Variants in IRX3 observed in about 807,000 individuals in gnomAD.
IRX3 encodes the protein iroquois-class homeodomain protein IRX-3.
A neutral mutation model predicts 36.4 loss-of-function variants in IRX3; 20 were observed. The ratio of observed to expected loss-of-function variants is 0.55; its 90% CI spans 0.39 to 0.80. IRX3 has a LOEUF of 0.80. Ranked by LOEUF, IRX3 falls within the 30% of genes least tolerant of loss-of-function variation. IRX3 has a pLI of 0.00. For missense variants in IRX3, 718 were observed against 733.2 expected, an observed-to-expected ratio of 0.98 and a Z score of 0.24; for synonymous variants, 404 against 351.6, an observed-to-expected ratio of 1.15 and a Z score of -1.67.
chr16:54,284,547 G>C lies in IRX3; in HGVS notation c.1334C>G (p.Pro445Arg). The C allele has an allele frequency of 2.1e-6, 3 of 1,419,954 alleles. No individual in the cohort carries two copies. Among genetic ancestry groups the C allele is most frequent in the Non-Finnish European group, 2.7e-6 (3 of 1,097,180 alleles). 88.0% of individuals were successfully genotyped at this position (1,419,954 alleles called of 1,614,324 possible). A position where few individuals can be genotyped will look rare whatever the true frequency, so the allele number is the denominator to read the frequency against. Residue 445 changes from proline to arginine, a missense_variant, in exon 2 of 4, where the codon CCG becomes CGG. By Grantham distance (103) the Pro-to-Arg change is moderately radical. This residue lies in a region of IRX3 where 468 missense variants were observed against 462.1 expected (regional missense o/e 1.01). Coordinates refer to ENST00000329734, the MANE Select transcript of IRX3 (RefSeq NM_024336.3). This position sits in a 1 kb window ranked among gnomAD's most constrained non-coding sequence, Gnocchi z 4.0. ...LLGLPGAAGH[P>R]AAAAAFARPA... Reference sequence around the variant, plus strand: ...CCGAGCGAAGGCGGCGGCGGCAGCCGGGTGGCCCGCGGCTCCGGGAAGTCC... The same window carrying C: ...CCGAGCGAAGGCGGCGGCGGCAGCCCGGTGGCCCGCGGCTCCGGGAAGTCC...
At position 54,284,432 on chromosome 16, in the gene IRX3, C is replaced by T. The variant is rs1901259657; in HGVS notation, c.1384+65G>A. The T allele has an allele frequency of 1.4e-6, 2 of 1,413,140 alleles. No individual in the cohort carries two copies. Among genetic ancestry groups the T allele is most frequent in the Non-Finnish European group, 1.8e-6 (2 of 1,091,710 alleles). The allele number at this position is 1,413,140 out of a possible 1,614,324, so 87.5% of individuals were successfully genotyped here. A position where few individuals can be genotyped will look rare whatever the true frequency, so the allele number is the denominator to read the frequency against. On this transcript the variant is annotated intron_variant, in intron 2 of 3. Transcript: ENST00000329734. The surrounding 1 kb of genome is among the most constrained non-coding windows in gnomAD (Gnocchi z 4.0). Reference sequence around the variant, plus strand: ...CCTGCGCCCCCCGGGCCCTGCCCCTCCCGGCCAGCTCCGGCACTACCCGCA... The same window carrying T: ...CCTGCGCCCCCCGGGCCCTGCCCCTTCCGGCCAGCTCCGGCACTACCCGCA...
Position 54,286,134 on chromosome 16 carries a change from CG to C in IRX3, c.-85del. The stretch of plus-strand genomic sequence containing the variant: ...GCCGCCCGCGGGCTCCGGCGCGCAT[CG>C]GGGGCTGGGCCGGGCTTGGGGCCGC... On this transcript the variant is annotated 5_prime_UTR_variant, in exon 1 of 4. Coordinates refer to ENST00000329734, the MANE Select transcript of IRX3 (RefSeq NM_024336.3). 1.7e-6 allele frequency: 2 copies of C among 1,152,846 alleles called. No individual in the cohort carries two copies. The highest frequency in any genetic ancestry group is 4.5e-5 in the East Asian group (1 of 22,444). The allele number at this position is 1,152,846 out of a possible 1,614,324, so 71.4% of individuals were successfully genotyped here. A position where few individuals can be genotyped will look rare whatever the true frequency, so the allele number is the denominator to read the frequency against.
In IRX3 at chr16:54,284,372, G is replaced by T; in HGVS notation, c.1385-60C>A. ...TAGAGCGCTCGGTGCCGGCGCCCAG[G>T]GCCGCAGAAAGCAGGAGTGGAGAGG... On this transcript the variant is annotated intron_variant, in intron 2 of 3. Transcript: ENST00000329734. The surrounding 1 kb of genome is among the most constrained non-coding windows in gnomAD (Gnocchi z 4.0). The T allele has an allele frequency of 6.4e-7, 1 of 1,553,226 alleles. No homozygotes were observed. Among genetic ancestry groups the T allele is most frequent in the Non-Finnish European group, 8.7e-7 (1 of 1,154,322 alleles).
At position 54,285,991 on chromosome 16, in the gene IRX3, C is replaced by G; in HGVS notation, c.60G>C (p.Pro20=). 3 of 1,357,150 alleles carry G rather than the reference C, an allele frequency of 2.2e-6. No homozygotes were observed. Among genetic ancestry groups the G allele is most frequent in the South Asian group, 2.0e-5 (1 of 50,876 alleles). The allele number at this position is 1,357,150 out of a possible 1,614,324, so 84.1% of individuals were successfully genotyped here. A position where few individuals can be genotyped will look rare whatever the true frequency, so the allele number is the denominator to read the frequency against. The change falls in exon 1 of 4, where the codon CCG becomes CCC. Residue 20 remains proline (P), a synonymous_variant. Transcript: ENST00000329734. This position sits in a 1 kb window ranked among gnomAD's most constrained non-coding sequence, Gnocchi z 5.7. ...TGCCGCCGCTGCCGCCAGCGGCCCC[C>G]GGGCGCTCGGACGGGTAAAGCGGGC... ...YIRPLYPSER[P]GAAGGSGGSA...
In IRX3 at chr16:54,285,110, C is replaced by T. The variant is rs1901289437; in HGVS notation, c.771G>A (p.Glu257=). The change falls in exon 2 of 4, where the codon GAG becomes GAA. Residue 257 remains glutamate, a synonymous_variant. Transcript: ENST00000329734. The surrounding 1 kb of genome is among the most constrained non-coding windows in gnomAD (Gnocchi z 5.7). ...DDDEDEEIDL[E]NLDGAATEPE... ...GCTCGGTGGCCGCGCCGTCTAAGTT[C>T]TCCAAATCGATCTCCTCGTCCTCGT... 6.2e-7 allele frequency: 1 copy of T among 1,613,512 alleles called. No individual in the cohort carries two copies. The highest frequency in any genetic ancestry group is 1.7e-5 in the Admixed American group (1 of 59,940).
rs1901325807 is a variant in IRX3, at chr16:54,285,945, G to C, written c.106C>G (p.Leu36Val). 1.4e-6 allele frequency: 2 copies of C among 1,431,316 alleles called. No homozygotes were observed. Among genetic ancestry groups the C allele is most frequent in the African/African-American group, 3.0e-5 (2 of 66,442 alleles). 88.7% of individuals were successfully genotyped at this position (1,431,316 alleles called of 1,614,324 possible). The change falls in exon 1 of 4, where the codon CTG becomes GTG. Residue 36 changes from leucine (L) to valine (V), a missense_variant. Physicochemically the swap from Leu to Val is conservative, Grantham distance 32 (BLOSUM62 1). Coordinates refer to ENST00000329734, the MANE Select transcript of IRX3 (RefSeq NM_024336.3). This position sits in a 1 kb window ranked among gnomAD's most constrained non-coding sequence, Gnocchi z 5.7. ...SGGSAGARGG[L>V]GAGASELNAS... ...TTCAGCTCCGAGGCTCCGGCACCCA[G>C]GCCGCCCCGGGCCCCCGCGCTGCCG...
In IRX3 at chr16:54,284,047, G is replaced by A; in HGVS notation, c.1451+199C>T. 7.8e-7 allele frequency: 1 copy of A among 1,289,946 alleles called. No homozygotes were observed. The highest frequency in any genetic ancestry group is 1.0e-6 in the Non-Finnish European group (1 of 966,962). 79.9% of individuals were successfully genotyped at this position (1,289,946 alleles called of 1,614,324 possible). A position where few individuals can be genotyped will look rare whatever the true frequency, so the allele number is the denominator to read the frequency against. On this transcript the variant is annotated intron_variant, in intron 3 of 3. Transcript: ENST00000329734. This position sits in a 1 kb window ranked among gnomAD's most constrained non-coding sequence, Gnocchi z 4.0. ...AGCGCTGTACCCTCCGGCCGCGCCTGGGGTGCCTGGGCTGGACCTGGAGAG... is the reference window on the plus strand; with the variant it reads ...AGCGCTGTACCCTCCGGCCGCGCCTAGGGTGCCTGGGCTGGACCTGGAGAG...
chr16:54,285,828 C>T lies in IRX3; in HGVS notation c.223G>A (p.Ala75Thr), dbSNP rs1365095079. 2.6e-6 allele frequency: 4 copies of T among 1,563,936 alleles called. No individual in the cohort carries two copies. The African/African-American group carries it at 4.1e-5, about 16-fold the overall frequency. ...AAAAAAQGYG[A>T]FLPYAAELPI... ...AGCTCCGCGGCGTAGGGCAGGAAGG[C>T]GCCGTAGCCTTGGGCGGCGGCGGCC... The change falls in exon 1 of 4, where the codon GCC (alanine) becomes ACC (threonine). Residue 75 changes from alanine (A) to threonine (T), a missense_variant. By Grantham distance (58) the Ala-to-Thr change is moderately conservative. Coordinates refer to ENST00000329734, the MANE Select transcript of IRX3 (RefSeq NM_024336.3). This position sits in a 1 kb window ranked among gnomAD's most constrained non-coding sequence, Gnocchi z 5.7.
rs1207450674 is a variant in IRX3, at chr16:54,283,463, C to A, written c.*223G>T. On this transcript the variant is annotated 3_prime_UTR_variant, in exon 4 of 4. Transcript: ENST00000329734. The surrounding 1 kb of genome is among the most constrained non-coding windows in gnomAD (Gnocchi z 4.4). ...ACTCCACCCCCCAAAATCAACCGGA[C>A]AAACAAACCTCACAGCGAATGCGGG... The A allele has an allele frequency of 1.3e-5, 6 of 477,986 alleles. No homozygotes were observed. The highest frequency in any genetic ancestry group is 2.3e-5 in the Non-Finnish European group (6 of 263,502). 29.6% of individuals were successfully genotyped at this position (477,986 alleles called of 1,614,324 possible). A position where few individuals can be genotyped will look rare whatever the true frequency, so the allele number is the denominator to read the frequency against.
chr16:54,286,458 C>G lies in IRX3; in HGVS notation c.-408G>C. The stretch of plus-strand genomic sequence containing the variant: ...TCGCCCTCCTCTAGTTTTCACTCCC[C>G]CTCCTCGCCCTTCCTCTCCCCTCCC... On this transcript the variant is annotated 5_prime_UTR_variant, in exon 1 of 4. Transcript: ENST00000329734. 1.1e-6 allele frequency: 1 copy of G among 905,738 alleles called. No individual in the cohort carries two copies. The highest frequency in any genetic ancestry group is 1.8e-5 in the African/African-American group (1 of 55,540). 56.1% of individuals were successfully genotyped at this position (905,738 alleles called of 1,614,324 possible).
Position 54,284,779 on chromosome 16 carries a change from C to A in IRX3, c.1102G>T (p.Gly368Cys). The A allele has an allele frequency of 6.8e-7, 1 of 1,462,782 alleles. No individual in the cohort carries two copies. Among genetic ancestry groups the A allele is most frequent in the African/African-American group, 1.5e-5 (1 of 67,496 alleles). The allele number at this position is 1,462,782 out of a possible 1,614,324, so 90.6% of individuals were successfully genotyped here. A position where few individuals can be genotyped will look rare whatever the true frequency, so the allele number is the denominator to read the frequency against. The change falls in exon 2 of 4, where the codon GGC (glycine) becomes TGC (cysteine). Residue 368 changes from glycine (G) to cysteine (C), a missense_variant. By Grantham distance (159) the Gly-to-Cys change is radical (BLOSUM62 -3). Transcript: ENST00000329734. The surrounding 1 kb of genome is among the most constrained non-coding windows in gnomAD (Gnocchi z 4.0). ...SPDNPRRSPP[G>C]AGGSPPGAAV... ...GCCCCCGGTGGAGACCCCCCCGCGCCGGGAGGCGAGCGGCGCGGGTTGTCC... is the reference window on the plus strand; with the variant it reads ...GCCCCCGGTGGAGACCCCCCCGCGCAGGGAGGCGAGCGGCGCGGGTTGTCC...
In IRX3 at chr16:54,283,513, G is replaced by T. The variant is rs374787817; in HGVS notation, c.*173C>A. The stretch of plus-strand genomic sequence containing the variant: ...GGTGCCACAGAAGCGACTTGGGGAG[G>T]GCTGAGGAGGACTGGTTTTATTTCT... On this transcript the variant is annotated 3_prime_UTR_variant, in exon 4 of 4. Coordinates refer to ENST00000329734, the MANE Select transcript of IRX3 (RefSeq NM_024336.3). The surrounding 1 kb of genome is among the most constrained non-coding windows in gnomAD (Gnocchi z 4.4). The T allele has an allele frequency of 1.9e-6, 1 of 530,280 alleles. No homozygotes were observed. Among genetic ancestry groups the T allele is most frequent in the Non-Finnish European group, 3.4e-6 (1 of 291,578 alleles). 32.8% of individuals were successfully genotyped at this position (530,280 alleles called of 1,614,324 possible).
chr16:54,284,387 G>A lies in IRX3; in HGVS notation c.1385-75C>T. The A allele has an allele frequency of 2.0e-6, 3 of 1,511,354 alleles. No individual in the cohort carries two copies. The highest frequency in any genetic ancestry group is 1.8e-6 in the Non-Finnish European group (2 of 1,135,306). 93.6% of individuals were successfully genotyped at this position (1,511,354 alleles called of 1,614,324 possible). A position where few individuals can be genotyped will look rare whatever the true frequency, so the allele number is the denominator to read the frequency against. Reference sequence around the variant, plus strand: ...CGGCGCCCAGGGCCGCAGAAAGCAGGAGTGGAGAGGGACGCGCGCCCTGCG... The same window carrying A: ...CGGCGCCCAGGGCCGCAGAAAGCAGAAGTGGAGAGGGACGCGCGCCCTGCG... On this transcript the variant is annotated intron_variant, in intron 2 of 3. Coordinates refer to ENST00000329734, the MANE Select transcript of IRX3 (RefSeq NM_024336.3). The surrounding 1 kb of genome is among the most constrained non-coding windows in gnomAD (Gnocchi z 4.0).
In IRX3 at chr16:54,286,077, G is replaced by A. The variant is rs1269961954; in HGVS notation, c.-27C>T. ...GTGGCCCGCGGGGCACGGACGGAGAGGGGGGCCGACCCCCGGGCCGCCCAG... is the reference window on the plus strand; with the variant it reads ...GTGGCCCGCGGGGCACGGACGGAGAAGGGGGCCGACCCCCGGGCCGCCCAG... On this transcript the variant is annotated 5_prime_UTR_variant, in exon 1 of 4. Transcript: ENST00000329734. 1.6e-6 allele frequency: 2 copies of A among 1,249,758 alleles called. No individual in the cohort carries two copies. The highest frequency in any genetic ancestry group is 1.0e-6 in the Non-Finnish European group (1 of 991,944). The allele number at this position is 1,249,758 out of a possible 1,614,324, so 77.4% of individuals were successfully genotyped here. A position where few individuals can be genotyped will look rare whatever the true frequency, so the allele number is the denominator to read the frequency against.
In IRX3 at chr16:54,285,088, CGGT is replaced by C. The variant is rs1567616681; in HGVS notation, c.790_792del (p.Thr264del). On this transcript the variant is annotated inframe_deletion, in exon 2 of 4. Transcript: ENST00000329734. This position sits in a 1 kb window ranked among gnomAD's most constrained non-coding sequence, Gnocchi z 5.7. Reference sequence around the variant, plus strand: ...GCCCCAGCCAGGGACAGCTCAGGCTCGGTGGCCGCGCCGTCTAAGTTCTCCAAA... The same window carrying C: ...GCCCCAGCCAGGGACAGCTCAGGCTCGGCCGCGCCGTCTAAGTTCTCCAAA... The C allele has an allele frequency of 6.2e-7, 1 of 1,613,856 alleles. No individual in the cohort carries two copies. Among genetic ancestry groups the C allele is most frequent in the Non-Finnish European group, 8.5e-7 (1 of 1,179,974 alleles).
chr16:54,284,824 C>G lies in IRX3; in HGVS notation c.1057G>C (p.Ala353Pro). 1 of 1,517,354 alleles carries G rather than the reference C, an allele frequency of 6.6e-7. No homozygotes were observed. The highest frequency in any genetic ancestry group is 8.8e-7 in the Non-Finnish European group (1 of 1,138,986). 94.0% of individuals were successfully genotyped at this position (1,517,354 alleles called of 1,614,324 possible). A position where few individuals can be genotyped will look rare whatever the true frequency, so the allele number is the denominator to read the frequency against. Reference sequence around the variant, plus strand: ...TTGTCCGGGCTTGTGGCAGTCTCCGCGAGGGACCAGATCTTGGGCTTCTGC... The same window carrying G: ...TTGTCCGGGCTTGTGGCAGTCTCCGGGAGGGACCAGATCTTGGGCTTCTGC... ...ALQKPKIWSLAETATSPDNPR... is the reference protein window; with the variant it reads ...ALQKPKIWSLPETATSPDNPR... The change falls in exon 2 of 4, where the codon GCG (alanine) becomes CCG (proline). Residue 353 changes from alanine to proline, a missense_variant. Around this residue, in one of 3 missense-constraint regions of IRX3, gnomAD observed 468 missense variants for 462.1 expected, o/e 1.01. Coordinates refer to ENST00000329734, the MANE Select transcript of IRX3 (RefSeq NM_024336.3). The surrounding 1 kb of genome is among the most constrained non-coding windows in gnomAD (Gnocchi z 4.0).
rs1266951681 is a variant in IRX3 at position 54,286,258 on chromosome 16, G to T, written c.-208C>A. 7 of 1,007,166 alleles carry T rather than the reference G, an allele frequency of 7.0e-6. No individual in the cohort carries two copies. Among genetic ancestry groups the T allele is most frequent in the Non-Finnish European group, 8.3e-6 (7 of 844,966 alleles). 62.4% of individuals were successfully genotyped at this position (1,007,166 alleles called of 1,614,324 possible). A position where few individuals can be genotyped will look rare whatever the true frequency, so the allele number is the denominator to read the frequency against. ...GGGCGGCGGCGAGGAGCCAGGTCAG[G>T]TCCGAACAGATTGGCGGAGATTCCC... On this transcript the variant is annotated 5_prime_UTR_variant, in exon 1 of 4. Transcript: ENST00000329734.
In IRX3 at chr16:54,284,345, T is replaced by A; in HGVS notation, c.1385-33A>T. On this transcript the variant is annotated intron_variant, in intron 2 of 3. Coordinates refer to ENST00000329734, the MANE Select transcript of IRX3 (RefSeq NM_024336.3). The surrounding 1 kb of genome is among the most constrained non-coding windows in gnomAD (Gnocchi z 4.0). The stretch of plus-strand genomic sequence containing the variant: ...AAGCGGGGGAAGAAAAAGGAGGGCC[T>A]TTAGAGCGCTCGGTGCCGGCGCCCA... The A allele has an allele frequency of 6.3e-7, 1 of 1,587,096 alleles. No homozygotes were observed. Among genetic ancestry groups the A allele is most frequent in the Non-Finnish European group, 8.6e-7 (1 of 1,169,506 alleles).
In IRX3 at chr16:54,284,780, G is replaced by A. The variant is rs1263676732; in HGVS notation, c.1101C>T (p.Pro367=). The A allele has an allele frequency of 1.4e-6, 2 of 1,462,680 alleles. No homozygotes were observed. Among genetic ancestry groups the A allele is most frequent in the South Asian group, 2.8e-5 (2 of 71,438 alleles). 90.6% of individuals were successfully genotyped at this position (1,462,680 alleles called of 1,614,324 possible). ...TSPDNPRRSP[P]GAGGSPPGAA... ...CCCCCGGTGGAGACCCCCCCGCGCC[G>A]GGAGGCGAGCGGCGCGGGTTGTCCG... The change falls in exon 2 of 4, where the codon CCC becomes CCT. Residue 367 remains proline, a synonymous_variant. Coordinates refer to ENST00000329734, the MANE Select transcript of IRX3 (RefSeq NM_024336.3). The surrounding 1 kb of genome is among the most constrained non-coding windows in gnomAD (Gnocchi z 4.0).
Sources: allele counts gnomAD v4.1 joint callset, GRCh38; gene constraint gnomAD v4.1.1; regional missense constraint gnomAD v4.1.1; non-coding constraint Gnocchi (gnomAD v3.1); transcripts MANE v1.5; gene names NCBI Gene and HGNC (gene_info 2026-07-23, HGNC 2026-07-21).